The following CBFB variants were observed in gnomAD, a reference collection of about 807,000 sequenced individuals.
The protein encoded by CBFB is CBF-beta.
A neutral mutation model predicts 30.4 loss-of-function variants in CBFB; 9 were observed. That is an observed-to-expected ratio of 0.30 (90% confidence interval 0.18 to 0.52). The LOEUF (loss-of-function observed/expected upper bound fraction) is 0.52. Ranked by LOEUF, CBFB falls within the 20% of genes least tolerant of loss-of-function variation. CBFB has a pLI of 0.97. For synonymous variants in CBFB, 94 were observed against 84.0 expected (o/e 1.12, Z -0.65); for missense variants, 170 against 244.0 (o/e 0.70, Z 2.02).
chr16:67,041,458 G>A (rs2145719626), intron 3 of CBFB, among the ~76,000 whole-genome samples: 1 of 152,202 alleles, frequency 6.6e-6, no homozygotes. Context: ...GATTAGATAT[G>A]GCGTGTGAGA....
rs1349551052 is a variant in CBFB at position 67,090,095 on chromosome 16, A to G, written c.495+7787A>G. ...TAAAACAACCAGTAAAGGATTTTGG[A>G]CTTTTCTTGGCTCTGTTGGAGGCTA... On this transcript the variant is annotated intron_variant, in intron 5 of 5. Transcript: ENST00000412916. Among the ~76,000 whole-genome samples, 4 of 151,982 alleles carry G rather than the reference A, an allele frequency of 2.6e-5. No homozygotes were observed. The East Asian group carries it at 7.7e-4, about 29-fold the overall frequency.
At chr16:67,046,533 A>G (rs1490809852) in intron 3 of CBFB, among the ~76,000 whole-genome samples, 1 of 152,182 alleles carries the variant, frequency 6.6e-6, no homozygotes, top group African/African-American at 2.4e-5. Context: ...TTCAATCAGC[A>G]TTATTGAGGT....
chr16:67,050,239 A>ATT (rs1966716142), intron 3 of CBFB, among the ~76,000 whole-genome samples: 1 of 147,742 alleles, frequency 6.8e-6, no homozygotes, highest in African/African-American at 2.5e-5. Flanking sequence ...TTTATATGTA[A>ATT]TATATATCAC....
At chr16:67,064,168 T>G (rs1960988243) in intron 3 of CBFB, among the ~76,000 whole-genome samples, 1 of 152,214 alleles carries the variant, frequency 6.6e-6, no homozygotes, top group South Asian at 2.1e-4. Context: ...CAGAAACTCA[T>G]GTTAAACAAG....
intron 3 of CBFB, among the ~76,000 whole-genome samples, chr16:67,040,591 C>G (rs976692321): frequency 2.0e-5 from 3 of 152,166 alleles, no homozygotes; most frequent in African/African-American, 4.8e-5. Flanking sequence ...AAAATTTATT[C>G]ATTCAGAAGG....
intron 1 of CBFB, 36 bp from the exon 2 acceptor site, chr16:67,029,691 A>T: frequency 6.5e-7 from 1 of 1,545,038 alleles, no homozygotes; most frequent in Non-Finnish European, 8.8e-7. Context: ...GGCGCCGCGG[A>T]TTTGGCTCCT....
intron 5 of CBFB, among the ~76,000 whole-genome samples, chr16:67,085,868 C>CG (rs1041304113): frequency 2.0e-5 from 3 of 151,604 alleles, no homozygotes; most frequent in African/African-American, 7.3e-5. Flanking sequence ...TTAGTAGAGA[C>CG]GGGGTTTCAC....
At chr16:67,078,302 C>CTT (rs980791189) in intron 4 of CBFB, among the ~76,000 whole-genome samples, 7 of 152,150 alleles carry the variant, frequency 4.6e-5, no homozygotes, top group African/African-American at 1.7e-4. Context: ...GATCCCAGCA[C>CTT]TTTGGGAGGT....
chr16:67,059,122 T>C (rs190596573), intron 3 of CBFB, among the ~76,000 whole-genome samples: 40 of 152,370 alleles, frequency 2.6e-4, no homozygotes, highest in Non-Finnish European at 5.0e-4. Flanking sequence ...CTGTAAGTTA[T>C]ATAGTATTGT....
At chr16:67,082,358 ACT>A (rs1961589121) in intron 5 of CBFB, 50 bp downstream of exon 5, 2 of 1,598,406 alleles carry the variant, frequency 1.3e-6, no homozygotes, top group African/African-American at 2.7e-5. Flanking sequence ...TTTCCCCCAA[ACT>A]CTCAGGCTGT....
intron 4 of CBFB, among the ~76,000 whole-genome samples, chr16:67,074,716 T>A (rs981641450): frequency 6.6e-6 from 1 of 152,068 alleles, no homozygotes; most frequent in Non-Finnish European, 1.5e-5. Flanking sequence ...AATGAGAAGA[T>A]CATTTTGTGA....
chr16:67,073,928 C>T (rs1961310908), intron 4 of CBFB, among the ~76,000 whole-genome samples: 1 of 151,756 alleles, frequency 6.6e-6, no homozygotes, highest in Non-Finnish European at 1.5e-5. Flanking sequence ...ACTTGGGAAG[C>T]TGAGGCAGGA....
Position 67,099,450 on chromosome 16 carries a change from C to T in CBFB, c.*672C>T, listed in dbSNP as rs1012660098. On this transcript the variant is annotated 3_prime_UTR_variant, in exon 6 of 6. Coordinates refer to ENST00000412916, the MANE Select transcript of CBFB (RefSeq NM_022845.3). ...TTTTTTTTTAATAGAGACAGGGTCT[C>T]GCAGTGTTGCCCAGGCTGGTCTCGA... The T allele has an allele frequency of 4.4e-5, 9 of 205,136 alleles. No individual in the cohort carries two copies. The highest frequency in any genetic ancestry group is 8.9e-5 in the Non-Finnish European group (9 of 100,624). The allele number at this position is 205,136 out of a possible 1,614,324, so 12.7% of individuals were successfully genotyped here. A position where few individuals can be genotyped will look rare whatever the true frequency, so the allele number is the denominator to read the frequency against.
intron 5 of CBFB, among the ~76,000 whole-genome samples, chr16:67,092,679 T>G (rs1439703187): frequency 6.9e-6 from 1 of 145,066 alleles, no homozygotes; most frequent in Non-Finnish European, 1.5e-5. Context: ...TCACCCAGGC[T>G]AGGTTACAGT....
chr16:67,086,400 T>C (rs1427063441), intron 5 of CBFB, among the ~76,000 whole-genome samples: 1 of 152,254 alleles, frequency 6.6e-6, no homozygotes, highest in African/African-American at 2.4e-5. Flanking sequence ...TAGCACTTTT[T>C]ATTTCTACTA....
At chr16:67,051,582 A>C (rs1461611581) in intron 3 of CBFB, among the ~76,000 whole-genome samples, 1 of 151,954 alleles carries the variant, frequency 6.6e-6, no homozygotes, top group Non-Finnish European at 1.5e-5. Flanking sequence ...ATTTCTATCA[A>C]CTTAACTAAA....
chr16:67,030,857 G>A (rs963496329), intron 2 of CBFB, among the ~76,000 whole-genome samples: 3 of 152,176 alleles, frequency 2.0e-5, no homozygotes, highest in African/African-American at 7.2e-5. Flanking sequence ...ACCTCCCAGA[G>A]TGCTGGGATT....
At chr16:67,054,060 A>G (rs1288957457) in intron 3 of CBFB, among the ~76,000 whole-genome samples, 1 of 151,764 alleles carries the variant, frequency 6.6e-6, no homozygotes, top group Middle Eastern at 3.2e-3. Context: ...ATCTAGACTG[A>G]TTGTCCTCTA....
chr16:67,065,881 T>A (rs936465101), intron 3 of CBFB, among the ~76,000 whole-genome samples: 20 of 152,044 alleles, frequency 1.3e-4, no homozygotes, highest in Non-Finnish European at 2.9e-4. Context: ...AATAAATAAA[T>A]AAAAAACTGT....
Sources: gnomAD v4.1 joint callset for allele counts (sites outside exome capture counted in the v4.1 genomes callset) on GRCh38, gnomAD v4.1.1 for gene constraint, MANE v1.5 for transcripts, NCBI Gene and HGNC (gene_info 2026-07-23, HGNC 2026-07-21) for gene names.